The following PHF24 variants were observed in gnomAD, a reference collection of about 807,000 sequenced individuals.
PHF24 encodes PHD finger protein 24, also known as Galpha inhibitory interacting protein.
PHF24 carries 25 observed loss-of-function variants against 42.6 expected under a neutral mutation model. The ratio of observed to expected loss-of-function variants is 0.59; its 90% CI spans 0.43 to 0.82. PHF24 has a LOEUF of 0.82. PHF24 is among the 40% of genes least tolerant of loss of function. PHF24 has a pLI of 0.00. For missense variants in PHF24, 470 were observed against 538.1 expected, an observed-to-expected ratio of 0.87 and a Z score of 1.25; for synonymous variants, 185 against 204.8, an observed-to-expected ratio of 0.90 and a Z score of 0.83.
the PHF24 span, chr9:34,834,164 A>G: frequency 2.9e-4 from 446 of 1,543,808 alleles, 1 homozygote; most frequent in Non-Finnish European, 3.8e-4. Flanking sequence ...AATGCAGGGA[A>G]AAGGAGCCAC....
At chr9:34,767,372 A>C in the PHF24 span, among the ~76,000 whole-genome samples, 72 of 152,346 alleles carry the variant, frequency 4.7e-4, no homozygotes, top group African/African-American at 1.7e-3. Flanking sequence ...TCGAGCTTCC[A>C]GGCTGCTTTG....
the PHF24 span, among the ~76,000 whole-genome samples, chr9:34,814,625 G>C: frequency 6.6e-6 from 1 of 152,218 alleles, no homozygotes. Context: ...TGCTGTGGCT[G>C]TACTGTGAGT....
chr9:34,960,046 C>G (rs949211747), intron 1 of PHF24, among the ~76,000 whole-genome samples: 1 of 152,190 alleles, frequency 6.6e-6, no homozygotes, highest in East Asian at 1.9e-4. Context: ...TTAGGGGGAG[C>G]GCAAAGGGTC....
intron 3 of PHF24, among the ~76,000 whole-genome samples, chr9:34,973,134 C>T (rs973972637): frequency 2.6e-5 from 4 of 152,116 alleles, no homozygotes; most frequent in Admixed American, 6.6e-5. Flanking sequence ...TAGAGAACCT[C>T]TGAGCTAGGA....
At chr9:34,837,238 A>G in the PHF24 span, 6 of 408,620 alleles carry the variant, frequency 1.5e-5, no homozygotes, top group African/African-American at 1.3e-4. Context: ...TGAGAACCCT[A>G]ATTATAAATG....
At chr9:34,675,661 C>T in the PHF24 span, among the ~76,000 whole-genome samples, 21 of 152,252 alleles carry the variant, frequency 1.4e-4, no homozygotes, top group Non-Finnish European at 2.2e-4. Flanking sequence ...CTTGAAATAA[C>T]GCCACTGCCA....
At chr9:34,794,596 A>AT in the PHF24 span, among the ~76,000 whole-genome samples, 2 of 152,228 alleles carry the variant, frequency 1.3e-5, no homozygotes, top group Non-Finnish European at 2.9e-5. Flanking sequence ...ACAAGTAAGA[A>AT]TAGAACATCT....
chr9:34,670,890 A>G, the PHF24 span, among the ~76,000 whole-genome samples: 1 of 152,202 alleles, frequency 6.6e-6, no homozygotes, highest in Non-Finnish European at 1.5e-5. Flanking sequence ...GGTAAGGATG[A>G]GAAGGTCCTC....
the PHF24 span, among the ~76,000 whole-genome samples, chr9:34,756,598 T>C: frequency 6.6e-6 from 1 of 152,232 alleles, no homozygotes; most frequent in African/African-American, 2.4e-5. Flanking sequence ...AGTGCCATGC[T>C]GTTTTGCCTA....
chr9:34,942,466 A>G, the PHF24 span, among the ~76,000 whole-genome samples: 1 of 152,224 alleles, frequency 6.6e-6, no homozygotes, highest in Non-Finnish European at 1.5e-5. Context: ...CCTCTAGAGC[A>G]CATCAGCATG....
the PHF24 span, among the ~76,000 whole-genome samples, chr9:34,721,177 T>A: frequency 6.6e-6 from 1 of 152,222 alleles, no homozygotes; most frequent in East Asian, 1.9e-4. Context: ...CCTTCACTTC[T>A]GAACCACAAC....
chr9:34,948,132 A>T, the PHF24 span, among the ~76,000 whole-genome samples: 1 of 151,272 alleles, frequency 6.6e-6, no homozygotes, highest in Non-Finnish European at 1.5e-5. Context: ...AAGAAAAGAA[A>T]AATAGGAAAA....
chr9:34,935,809 T>G, the PHF24 span, among the ~76,000 whole-genome samples: 1 of 150,914 alleles, frequency 6.6e-6, no homozygotes, highest in African/African-American at 2.4e-5. Context: ...AATGCGAAAA[T>G]TATCCAGTAC....
the PHF24 span, among the ~76,000 whole-genome samples, chr9:34,717,355 C>T: frequency 0.34 from 49,911 of 148,006 alleles, 7,587 homozygotes; most frequent in Admixed American, 0.37. Context: ...GGAACCAGGA[C>T]CTGGTTCTTC....
chr9:34,802,758 G>C, the PHF24 span, among the ~76,000 whole-genome samples: 3 of 152,146 alleles, frequency 2.0e-5, no homozygotes, highest in Non-Finnish European at 4.4e-5. Flanking sequence ...TTCCATTGTA[G>C]TATCTTAAAT....
chr9:34,738,782 C>T, the PHF24 span, among the ~76,000 whole-genome samples: 4 of 152,194 alleles, frequency 2.6e-5, no homozygotes, highest in Non-Finnish European at 5.9e-5. Flanking sequence ...TTGCTTACAG[C>T]TCCCCAGCTT....
chr9:34,762,699 T>G, the PHF24 span, among the ~76,000 whole-genome samples: 3 of 150,596 alleles, frequency 2.0e-5, no homozygotes, highest in Admixed American at 6.6e-5. Flanking sequence ...CTCTTTAGTT[T>G]AATTAGATCC....
At chr9:34,829,733 A>G in the PHF24 span, among the ~76,000 whole-genome samples, 1 of 152,184 alleles carries the variant, frequency 6.6e-6, no homozygotes, top group Non-Finnish European at 1.5e-5. Flanking sequence ...TTAACCATTC[A>G]GGCAAGTTAA....
the PHF24 span, among the ~76,000 whole-genome samples, chr9:34,818,321 G>T: frequency 6.6e-6 from 1 of 152,194 alleles, no homozygotes; most frequent in Non-Finnish European, 1.5e-5. Flanking sequence ...GACTTCTGTA[G>T]ATGCCCTTTA....
Sources: gnomAD v4.1 joint callset for allele counts (sites outside exome capture counted in the v4.1 genomes callset) on GRCh38, gnomAD v4.1.1 for gene constraint, MANE v1.5 for transcripts, NCBI Gene and HGNC (gene_info 2026-07-23, HGNC 2026-07-21) for gene names.